The following MMEL1 variants were observed in gnomAD, a reference collection of about 807,000 sequenced individuals.
MMEL1 encodes membrane metallo-endopeptidase-like 1.
In MMEL1, 98 loss-of-function variants were observed where a neutral mutation model predicts 117.1. That is an observed-to-expected ratio of 0.84 (90% CI 0.71 to 0.99). The LOEUF is 0.99. Among genes scored for constraint, MMEL1 ranks in the 50% least tolerant of loss-of-function variants. The pLI is 0.00. For missense variants in MMEL1, 1,014 were observed against 1,049.1 expected (o/e 0.97, Z 0.46); for synonymous variants, 390 against 415.1 (o/e 0.94, Z 0.74).
chr1:2,609,825 C>A lies in MMEL1; in HGVS notation c.299G>T (p.Arg100Met). ...GGTCGGGTCCATGTTCTGGAGGATC[C>A]TGGCAGCTGCTCGTCCCCATGGCGT... ...TTPGCVIAAA[R>M]ILQNMDPTTE... is the part of the protein sequence containing the mutation. Residue 100 changes from arginine (R) to methionine (M), a missense_variant, in exon 5 of 24, where the codon AGG becomes ATG. Arg to Met is a moderately conservative substitution (Grantham distance 91). Coordinates refer to ENST00000378412, the MANE Select transcript of MMEL1 (RefSeq NM_033467.4). 1 of 1,606,716 alleles carries A rather than the reference C, an allele frequency of 6.2e-7. No individual in the cohort carries two copies. Among genetic ancestry groups the A allele is most frequent in the South Asian group, 1.1e-5 (1 of 89,510 alleles).
At chr1:2,629,015 C>A (rs1279539479) in intron 2 of MMEL1, among the ~76,000 whole-genome samples, 1 of 151,952 alleles carries the variant, frequency 6.6e-6, no homozygotes, top group African/African-American at 2.4e-5. Flanking sequence ...GCGCCCCCCA[C>A]CCTCCGGGAG....
intron 6 of MMEL1, among the ~76,000 whole-genome samples, chr1:2,608,142 C>G (rs761424152): frequency 3.9e-5 from 6 of 152,124 alleles, no homozygotes; most frequent in African/African-American, 7.2e-5. Flanking sequence ...GGGGAGGAGA[C>G]AAGCCCAGCG....
intron 1 of MMEL1, among the ~76,000 whole-genome samples, chr1:2,632,190 GC>G: frequency 6.6e-6 from 1 of 151,846 alleles, no homozygotes; most frequent in East Asian, 1.9e-4. Context: ...AACTCGGGGA[GC>G]CCCAGCCCCT....
rs1402858405 is a variant in MMEL1 at position 2,590,673 on chromosome 1, G to A, written c.*317C>T. Reference sequence around the variant, plus strand: ...AGCATTTACTTAGCTCAAGTCTGAAGCTGTAGATACTGGAAGACAATGCAC... The same window carrying A: ...AGCATTTACTTAGCTCAAGTCTGAAACTGTAGATACTGGAAGACAATGCAC... On this transcript the variant is annotated 3_prime_UTR_variant, in exon 24 of 24. Transcript: ENST00000378412. 2 of 330,420 alleles carry A rather than the reference G, an allele frequency of 6.1e-6. No homozygotes were observed. The highest frequency in any genetic ancestry group is 9.0e-5 in the East Asian group (2 of 22,126). The allele number at this position is 330,420 out of a possible 1,614,324, so 20.5% of individuals were successfully genotyped here.
At chr1:2,606,433 T>G in intron 7 of MMEL1, 67 bp from the exon 8 acceptor site, 1 of 1,253,154 alleles carries the variant, frequency 8.0e-7, no homozygotes, top group Admixed American at 1.9e-5. Flanking sequence ...CCCTTGTCGG[T>G]GAATCTGGCC....
chr1:2,593,342 C>T (rs561434399), intron 19 of MMEL1, among the ~76,000 whole-genome samples: 2 of 152,318 alleles, frequency 1.3e-5, no homozygotes, highest in South Asian at 2.1e-4. Context: ...ACGGAAGGTC[C>T]GGATGGCCGA....
chr1:2,594,344 C>T (rs1644795607), intron 18 of MMEL1, 41 bp downstream of exon 18: 1 of 1,548,448 alleles, frequency 6.5e-7, no homozygotes. Flanking sequence ...TCAACTCTGG[C>T]ACCAAAGGGC....
At chr1:2,606,196 C>A in intron 8 of MMEL1, 52 bp downstream of exon 8, 1 of 1,451,988 alleles carries the variant, frequency 6.9e-7, no homozygotes. Flanking sequence ...GCAAGAGCCC[C>A]CAGCCAGGCT....
rs1401885424 is a variant in MMEL1, at chr1:2,598,808, G to A, written c.1042-18C>T. The A allele has an allele frequency of 6.2e-7, 1 of 1,601,324 alleles. No individual in the cohort carries two copies. Among genetic ancestry groups the A allele is most frequent in the Non-Finnish European group, 8.5e-7 (1 of 1,169,772 alleles). ...TTAAATCCCTGCAGATAGAGGAAGTGGGGAGAAAGAGGGAGAGAGAGAGAG... is the reference window on the plus strand; with the variant it reads ...TTAAATCCCTGCAGATAGAGGAAGTAGGGAGAAAGAGGGAGAGAGAGAGAG... On this transcript the variant is annotated intron_variant, in intron 11 of 23. Coordinates refer to ENST00000378412, the MANE Select transcript of MMEL1 (RefSeq NM_033467.4).
Position 2,612,107 on chromosome 1 carries a change from GA to G in MMEL1, c.232+19del. 3 of 1,565,424 alleles carry G rather than the reference GA, an allele frequency of 1.9e-6. No homozygotes were observed. The highest frequency in any genetic ancestry group is 1.9e-5 in the Admixed American group (1 of 53,108). The stretch of plus-strand genomic sequence containing the variant: ...CGCCCACCTGCCTGGGGCTGTTTTG[GA>G]AGGGAAGGCAAAGGCTACCTCGGGG... On this transcript the variant is annotated intron_variant, in intron 3 of 23. Transcript: ENST00000378412. The surrounding 1 kb of genome is among the most constrained non-coding windows in gnomAD (Gnocchi z 5.4).
chr1:2,624,162 C>T (rs939451575), intron 2 of MMEL1, among the ~76,000 whole-genome samples: 4 of 152,204 alleles, frequency 2.6e-5, no homozygotes, highest in Non-Finnish European at 5.9e-5. Flanking sequence ...CTAGTACTGA[C>T]CAGCAACAGC....
At chr1:2,594,162 G>C in intron 18 of MMEL1, 1 of 772,262 alleles carries the variant, frequency 1.3e-6, no homozygotes, top group Non-Finnish European at 2.0e-6. Flanking sequence ...ATCCTGTTCT[G>C]CCTGCAGGAA....
intron 13 of MMEL1, 90 bp from the exon 14 acceptor site, chr1:2,596,779 C>T: frequency 2.0e-6 from 3 of 1,500,086 alleles, no homozygotes; most frequent in Non-Finnish European, 2.7e-6. Flanking sequence ...TGAGCAGACC[C>T]ACCTATCCTC....
In MMEL1 at chr1:2,607,025, C is replaced by G. The variant is rs747614193; in HGVS notation, c.580G>C (p.Glu194Gln). The change falls in exon 7 of 24, where the codon GAG (glutamate) becomes CAG (glutamine). Residue 194 changes from glutamate to glutamine, a missense_variant. By Grantham distance (29) the Glu-to-Gln change is conservative. Coordinates refer to ENST00000378412, the MANE Select transcript of MMEL1 (RefSeq NM_033467.4). ...GCCACCGGCCAGCCTCCCACCACCTCCAAGATGTCCAGCAGGGGCTGAGAG... is the reference window on the plus strand; with the variant it reads ...GCCACCGGCCAGCCTCCCACCACCTGCAAGATGTCCAGCAGGGGCTGAGAG... ...RGSQPLLDIL[E>Q]VVGGWPVAMD... 6.2e-7 allele frequency: 1 copy of G among 1,613,530 alleles called. No individual in the cohort carries two copies. Among genetic ancestry groups the G allele is most frequent in the Middle Eastern group, 1.7e-4 (1 of 6,058 alleles).
At chr1:2,591,896 G>T in intron 22 of MMEL1, 36 bp downstream of exon 22, 1 of 1,587,526 alleles carries the variant, frequency 6.3e-7, no homozygotes, top group Non-Finnish European at 8.6e-7. Flanking sequence ...GAGTGGGGAA[G>T]CATGGGGATG....
rs1298178176 is a variant in MMEL1, at chr1:2,632,023, C to G, written c.-38+843G>C. On this transcript the variant is annotated intron_variant, in intron 1 of 23. Coordinates refer to ENST00000378412, the MANE Select transcript of MMEL1 (RefSeq NM_033467.4). ...GGCCTTGCCCTGATGTCAGGACCCT[C>G]TTTGGCCCTCCTCCCCTCTCACTAT... Among the ~76,000 whole-genome samples the G allele has an allele frequency of 6.6e-5, 10 of 152,312 alleles. No homozygotes were observed. In the East Asian group the frequency reaches 1.9e-3, roughly 29 times the overall value.
chr1:2,598,433 A>T, intron 12 of MMEL1, 133 bp from the exon 13 acceptor site: 1 of 1,168,474 alleles, frequency 8.6e-7, no homozygotes, highest in Non-Finnish European at 1.2e-6. Flanking sequence ...CCTCCAGGAC[A>T]ACCACCTCCA....
intron 19 of MMEL1, 29 bp downstream of exon 19, chr1:2,593,785 C>T (rs757961437): frequency 3.2e-5 from 50 of 1,574,158 alleles, no homozygotes; most frequent in African/African-American, 5.4e-5. Context: ...GAGGGGAGGG[C>T]GTGTGTGATT....
In MMEL1 at chr1:2,609,766, A is replaced by G; in HGVS notation, c.358T>C (p.Cys120Arg). The G allele has an allele frequency of 1.2e-6, 2 of 1,613,942 alleles. No individual in the cohort carries two copies. The highest frequency in any genetic ancestry group is 1.7e-6 in the Non-Finnish European group (2 of 1,180,016). The change falls in exon 5 of 24, where the codon TGC (cysteine) becomes CGC (arginine). Residue 120 changes from cysteine to arginine, a missense_variant. Coordinates refer to ENST00000378412, the MANE Select transcript of MMEL1 (RefSeq NM_033467.4). Reference sequence around the variant, plus strand: ...ACGTGGCGCCGCAGCCAGCCTCCGCATGCAAACTGGTAGAAGTCGTCACAC... The same window carrying G: ...ACGTGGCGCCGCAGCCAGCCTCCGCGTGCAAACTGGTAGAAGTCGTCACAC... ...EPCDDFYQFA[C>R]GGWLRRHVIP... is the part of the protein sequence containing the mutation.
Sources: allele counts gnomAD v4.1 joint callset (sites outside exome capture counted in the v4.1 genomes callset), GRCh38; gene constraint gnomAD v4.1.1; non-coding constraint Gnocchi (gnomAD v3.1); transcripts MANE v1.5; gene names NCBI Gene and HGNC (gene_info 2026-07-23, HGNC 2026-07-21).